WWOX: variants seen among roughly 807,000 people sequenced by gnomAD.
WWOX encodes WW domain containing oxidoreductase.
In WWOX, 69 loss-of-function variants were observed where a neutral mutation model predicts 46.2. The ratio of observed to expected loss-of-function variants is 1.49; its 90% confidence interval spans 1.23 to 1.82. The LOEUF (loss-of-function observed/expected upper bound fraction) is 1.82, where lower values mean the gene tolerates loss of function less well. WWOX is among the 40% of genes most tolerant of loss of function. The pLI is 0.00. For synonymous variants in WWOX, 359 were observed against 202.6 expected, an observed-to-expected ratio of 1.77 and a Z score of -6.56; for missense variants, 919 against 542.6, an observed-to-expected ratio of 1.69 and a Z score of -6.89.
intron 8 of WWOX, among the ~76,000 whole-genome samples, chr16:78,974,224 T>C (rs771191340): frequency 5.3e-5 from 8 of 152,238 alleles, no homozygotes; most frequent in Non-Finnish European, 8.8e-5. Flanking sequence ...AGAGAACGGA[T>C]TCTTTTGGAT....
rs59090960 is a variant in WWOX at position 78,702,666 on chromosome 16, C to CAA, written c.1056+269926_1056+269927dup. Reference sequence around the variant, plus strand: ...CAAGACTCTGTCTCAAAAAAAAGAACAAAAAAAAAAAAAGAAATGATGTAA... The same window carrying CAA: ...CAAGACTCTGTCTCAAAAAAAAGAACAAAAAAAAAAAAAAAGAAATGATGTAA... On this transcript the variant is annotated intron_variant, in intron 8 of 8. Transcript: ENST00000566780. 8.1e-3 allele frequency among the ~76,000 whole-genome samples: 1,094 copies of CAA among 134,480 alleles called. 16 individuals carry two copies. The highest frequency in any genetic ancestry group is 0.037 in the East Asian group (170 of 4,582). The allele number at this position is 134,480 out of a possible 152,430, so 88.2% of individuals were successfully genotyped here. A position where few individuals can be genotyped will look rare whatever the true frequency, so the allele number is the denominator to read the frequency against.
At chr16:79,157,625 A>G (rs2050407292) in intron 8 of WWOX, among the ~76,000 whole-genome samples, 1 of 152,136 alleles carries the variant, frequency 6.6e-6, no homozygotes, top group Non-Finnish European at 1.5e-5. Context: ...AGGTTTTATT[A>G]TTATTTAGGT....
chr16:78,381,876 C>G (rs1239231555), intron 5 of WWOX, among the ~76,000 whole-genome samples: 2 of 151,816 alleles, frequency 1.3e-5, no homozygotes, highest in African/African-American at 2.4e-5. Flanking sequence ...TTTTCTTTTC[C>G]TTTTTTACTC....
intron 5 of WWOX, among the ~76,000 whole-genome samples, chr16:78,330,606 G>A (rs1184104252): frequency 1.3e-5 from 2 of 152,084 alleles, no homozygotes; most frequent in Non-Finnish European, 2.9e-5. Flanking sequence ...CGTGTTGGCC[G>A]GGATGCTCTC....
chr16:78,335,822 T>C lies in WWOX; in HGVS notation c.517-51038T>C, dbSNP rs115644301. On this transcript the variant is annotated intron_variant, in intron 5 of 8. Transcript: ENST00000566780. ...TCTAAAAGGTACTAGCTGAGCATGA[T>C]GACTCACATTTGTAATCCCACCACT... Among the ~76,000 whole-genome samples, 785 of 152,300 alleles carry C rather than the reference T, an allele frequency of 5.2e-3. 6 individuals are homozygous for C. Among genetic ancestry groups the C allele is most frequent in the African/African-American group, 0.018 (732 of 41,568 alleles).
intron 8 of WWOX, among the ~76,000 whole-genome samples, chr16:78,603,155 C>G (rs1217395148): frequency 1.3e-5 from 2 of 152,178 alleles, no homozygotes; most frequent in Non-Finnish European, 2.9e-5. Flanking sequence ...CTGTGCTATG[C>G]TGTTTTATGC....
chr16:78,382,737 A>G (rs1268100158), intron 5 of WWOX, among the ~76,000 whole-genome samples: 2 of 152,162 alleles, frequency 1.3e-5, no homozygotes, highest in East Asian at 1.9e-4. Flanking sequence ...GAACAGTTCT[A>G]TGTCTTGAAT....
At chr16:79,073,652 A>G (rs1031010832) in intron 8 of WWOX, among the ~76,000 whole-genome samples, 6 of 152,166 alleles carry the variant, frequency 3.9e-5, no homozygotes, top group African/African-American at 1.4e-4. Context: ...CCTAATTTTC[A>G]ACAGCCTGGG....
chr16:79,079,631 G>C (rs1472194425), intron 8 of WWOX, among the ~76,000 whole-genome samples: 1 of 152,160 alleles, frequency 6.6e-6, no homozygotes, highest in South Asian at 2.1e-4. Context: ...CATTCACTAA[G>C]TCTTTCACCA....
intron 4 of WWOX, among the ~76,000 whole-genome samples, chr16:78,146,902 C>T (rs997071008): frequency 3.3e-5 from 5 of 152,134 alleles, no homozygotes; most frequent in South Asian, 2.1e-4. Flanking sequence ...TAGCATTGCC[C>T]GTGCCTTCCA....
At chr16:78,137,799 A>C (rs1195782447) in intron 4 of WWOX, among the ~76,000 whole-genome samples, 1 of 136,442 alleles carries the variant, frequency 7.3e-6, no homozygotes, top group East Asian at 1.9e-4. Context: ...ACAGATAATA[A>C]AAGTTTTTTG....
At chr16:78,708,766 A>G (rs1597473234) in intron 8 of WWOX, among the ~76,000 whole-genome samples, 5 of 152,314 alleles carry the variant, frequency 3.3e-5, no homozygotes, top group Admixed American at 3.3e-4. Context: ...TGACGTTGAA[A>G]TCAGTGACAG....
chr16:78,536,603 C>A (rs1597229345), intron 8 of WWOX, among the ~76,000 whole-genome samples: 1 of 152,088 alleles, frequency 6.6e-6, no homozygotes, highest in African/African-American at 2.4e-5. Context: ...TGAGCCTCCC[C>A]CATTAAGTGT....
chr16:79,182,148 G>GAGGGAC (rs2050924999), intron 8 of WWOX, among the ~76,000 whole-genome samples: 1 of 150,640 alleles, frequency 6.6e-6, no homozygotes, highest in East Asian at 1.9e-4. Flanking sequence ...GGTGGCAAGG[G>GAGGGAC]AGGGACTCTT....
chr16:78,828,898 G>A lies in WWOX; in HGVS notation c.1057-382710G>A, dbSNP rs80230013. 4.1e-3 allele frequency among the ~76,000 whole-genome samples: 622 copies of A among 152,304 alleles called. 2 individuals are homozygous for A. The highest frequency in any genetic ancestry group is 6.4e-3 in the Non-Finnish European group (434 of 68,026). On this transcript the variant is annotated intron_variant, in intron 8 of 8. Coordinates refer to ENST00000566780, the MANE Select transcript of WWOX (RefSeq NM_016373.4). ...TTGTATGTAATCCTAAAATGTAGAT[G>A]TAGTTTTCCCCCTTTTAGAGATAAG...
At chr16:78,441,345 G>C (rs2083439861) in intron 8 of WWOX, among the ~76,000 whole-genome samples, 1 of 152,212 alleles carries the variant, frequency 6.6e-6, no homozygotes, top group African/African-American at 2.4e-5. Context: ...ATACATGAAA[G>C]ATGACCAGGT....
intron 6 of WWOX, among the ~76,000 whole-genome samples, chr16:78,416,183 T>A (rs2082793920): frequency 6.6e-6 from 1 of 152,240 alleles, no homozygotes. Flanking sequence ...TTGTTTCCAT[T>A]CTGTCTTTAT....
chr16:78,287,368 ACAT>A (rs1799935217), intron 5 of WWOX, among the ~76,000 whole-genome samples: 2 of 152,162 alleles, frequency 1.3e-5, no homozygotes, highest in African/African-American at 4.8e-5. Context: ...CTTTAACTAG[ACAT>A]CAACCTGGTT....
chr16:79,038,943 T>C (rs2047920032), intron 8 of WWOX, among the ~76,000 whole-genome samples: 3 of 152,194 alleles, frequency 2.0e-5, no homozygotes, highest in Admixed American at 1.3e-4. Flanking sequence ...CATGACCACA[T>C]ATATCTATTG....
Sources: gnomAD v4.1 joint callset for allele counts (sites outside exome capture counted in the v4.1 genomes callset) on GRCh38, gnomAD v4.1.1 for gene constraint, MANE v1.5 for transcripts, NCBI Gene and HGNC (gene_info 2026-07-23, HGNC 2026-07-21) for gene names.